Variants in RFX3 observed in about 807,000 individuals in gnomAD.
RFX3 encodes transcription factor RFX3.
RFX3 carries 14 observed loss-of-function variants against 98.6 expected under a neutral mutation model. The observed-to-expected ratio is 0.14, with a 90% confidence interval of 0.09 to 0.22. RFX3 has a LOEUF of 0.22. Among genes scored for constraint, RFX3 ranks in the 10% least tolerant of loss-of-function variants. The pLI, the probability that RFX3 is intolerant of heterozygous loss-of-function variation, is 1.00. For synonymous variants in RFX3, 383 were observed against 328.4 expected, an observed-to-expected ratio of 1.17 and a Z score of -1.80; for missense variants, 639 against 926.9, an observed-to-expected ratio of 0.69 and a Z score of 4.03.
intron 3 of RFX3, among the ~76,000 whole-genome samples, chr9:3,339,164 G>C (rs992444776): frequency 3.3e-5 from 5 of 151,842 alleles, no homozygotes; most frequent in Non-Finnish European, 7.4e-5. Context: ...TTATAAAAAG[G>C]AATTTTATAT....
chr9:3,327,363 A>C (rs1285621646), intron 4 of RFX3, among the ~76,000 whole-genome samples: 1 of 152,150 alleles, frequency 6.6e-6, no homozygotes, highest in African/African-American at 2.4e-5. Context: ...GTAAACTGAG[A>C]ATCACAACCT....
intron 3 of RFX3, among the ~76,000 whole-genome samples, chr9:3,340,276 G>C (rs1210268432): frequency 6.6e-6 from 1 of 152,158 alleles, no homozygotes; most frequent in South Asian, 2.1e-4. Context: ...AGACTTAAAT[G>C]TTAGACCTAA....
intron 1 of RFX3, among the ~76,000 whole-genome samples, chr9:3,396,964 G>C (rs774024762): frequency 5.3e-5 from 8 of 152,114 alleles, no homozygotes; most frequent in African/African-American, 1.9e-4. Flanking sequence ...AACTAATTTT[G>C]TGTATGGTAT....
chr9:3,347,429 C>G (rs773839925), intron 2 of RFX3, among the ~76,000 whole-genome samples: 2 of 151,964 alleles, frequency 1.3e-5, no homozygotes, highest in African/African-American at 2.4e-5. Context: ...TAGAAAATTT[C>G]AAACACTCAA....
chr9:3,324,156 C>A, intron 4 of RFX3: 1 of 293,844 alleles, frequency 3.4e-6, no homozygotes, highest in Non-Finnish European at 8.1e-6. Context: ...GATACATGTT[C>A]CTGCCAAAAT....
At chr9:3,257,236 A>G (rs1251761160) in intron 13 of RFX3, 37 bp from the exon 14 acceptor site, 4 of 1,581,380 alleles carry the variant, frequency 2.5e-6, no homozygotes, top group Non-Finnish European at 2.6e-6. Context: ...GAAAAGTTCA[A>G]TTCAGCATCC....
At chr9:3,333,745 G>A (rs1048080671) in intron 3 of RFX3, among the ~76,000 whole-genome samples, 1 of 152,168 alleles carries the variant, frequency 6.6e-6, no homozygotes, top group Non-Finnish European at 1.5e-5. Flanking sequence ...TACTTTGAGA[G>A]ATGCGGGACA....
chr9:3,395,900 A>C (rs1840808318), intron 1 of RFX3, among the ~76,000 whole-genome samples: 13 of 152,162 alleles, frequency 8.5e-5, no homozygotes, highest in Admixed American at 8.5e-4. Flanking sequence ...TCCCTTTATA[A>C]ACTATCATCC....
chr9:3,375,457 G>A lies in RFX3; in HGVS notation c.117+20015C>T, dbSNP rs2131612069. 2.0e-5 allele frequency among the ~76,000 whole-genome samples: 3 copies of A among 152,092 alleles called. No individual in the cohort carries two copies. In the East Asian group the frequency reaches 5.8e-4, roughly 29 times the overall value. ...CATACCATCTAACCATATATTACCA[G>A]GTTTCTCAATACAAGCTGATAAGAT... On this transcript the variant is annotated intron_variant, in intron 2 of 16. Coordinates refer to ENST00000617270, the MANE Select transcript of RFX3 (RefSeq NM_001282116.2).
At chr9:3,496,997 C>T (rs775041438) in intron 1 of RFX3, among the ~76,000 whole-genome samples, 1 of 151,998 alleles carries the variant, frequency 6.6e-6, no homozygotes, top group Non-Finnish European at 1.5e-5. Context: ...TGACAAAAAT[C>T]TACATTCAAG....
chr9:3,330,121 G>A, intron 4 of RFX3, 138 bp downstream of exon 4: 1 of 837,706 alleles, frequency 1.2e-6, no homozygotes, highest in Non-Finnish European at 1.8e-6. Flanking sequence ...ACTACATTCT[G>A]CAAACTCTCA....
chr9:3,478,341 C>A (rs1234144449), intron 1 of RFX3, among the ~76,000 whole-genome samples: 1 of 150,080 alleles, frequency 6.7e-6, no homozygotes, highest in African/African-American at 2.4e-5. Flanking sequence ...TTCTTTAGTA[C>A]TTTCATGAAC....
intron 1 of RFX3, among the ~76,000 whole-genome samples, chr9:3,503,913 G>A (rs1816325627): frequency 1.3e-5 from 2 of 151,550 alleles, no homozygotes; most frequent in South Asian, 2.1e-4. Flanking sequence ...TTAGCAGTCT[G>A]GCTAACTCTA....
intron 1 of RFX3, among the ~76,000 whole-genome samples, chr9:3,435,671 G>A (rs1449885706): frequency 6.6e-6 from 1 of 151,738 alleles, no homozygotes; most frequent in Non-Finnish European, 1.5e-5. Context: ...ATTCACCACT[G>A]AATCCCTACC....
intron 1 of RFX3, among the ~76,000 whole-genome samples, chr9:3,470,481 ATTTTTTCT>A (rs995897930): frequency 7.0e-6 from 1 of 142,934 alleles, no homozygotes; most frequent in Non-Finnish European, 1.5e-5. Context: ...CACCCGGCTA[ATTTTTTCT>A]TTTTTTCTTT....
intron 1 of RFX3, among the ~76,000 whole-genome samples, chr9:3,505,328 A>G (rs1218994778): frequency 4.4e-5 from 4 of 90,108 alleles, no homozygotes; most frequent in Non-Finnish European, 7.1e-5. Flanking sequence ...ATGTATATTT[A>G]TATTTTATAT....
At chr9:3,263,669 G>C (rs1823215900) in intron 12 of RFX3, among the ~76,000 whole-genome samples, 1 of 152,120 alleles carries the variant, frequency 6.6e-6, no homozygotes, top group Non-Finnish European at 1.5e-5. Context: ...TTCAGAATTA[G>C]AGTTTCTTTA....
At chr9:3,496,070 T>TATA (rs1482962319) in intron 1 of RFX3, among the ~76,000 whole-genome samples, 2 of 152,010 alleles carry the variant, frequency 1.3e-5, no homozygotes, top group African/African-American at 4.8e-5. Flanking sequence ...TATATTCATT[T>TATA]TCAGTTCTCT....
intron 3 of RFX3, among the ~76,000 whole-genome samples, chr9:3,342,047 A>G (rs534655627): frequency 6.6e-6 from 1 of 152,324 alleles, no homozygotes; most frequent in South Asian, 2.1e-4. Context: ...TTAATCTTTT[A>G]AAGTGTATGG....
Sources: gnomAD v4.1 joint callset for allele counts (sites outside exome capture counted in the v4.1 genomes callset) on GRCh38, gnomAD v4.1.1 for gene constraint, MANE v1.5 for transcripts, NCBI Gene and HGNC (gene_info 2026-07-23, HGNC 2026-07-21) for gene names.